Variants in BICRA observed in about 807,000 individuals in gnomAD.
BICRA encodes BRD4-interacting chromatin-remodeling complex-associated protein.
In BICRA, 31 loss-of-function variants were observed where a neutral mutation model predicts 96.9. That is an observed-to-expected ratio of 0.32 (90% CI 0.24 to 0.43). The LOEUF is 0.43. BICRA is among the 20% of genes least tolerant of loss of function. BICRA has a pLI of 1.00. For synonymous variants in BICRA, 1,350 were observed against 1,071.8 expected, an observed-to-expected ratio of 1.26 and a Z score of -5.07; for missense variants, 2,283 against 2,190.3, an observed-to-expected ratio of 1.04 and a Z score of -0.84.
chr19:47,685,580 A>G (rs1973132386), intron 7 of BICRA, among the ~76,000 whole-genome samples: 1 of 152,076 alleles, frequency 6.6e-6, no homozygotes, highest in South Asian at 2.1e-4. Flanking sequence ...CAGACTGGGA[A>G]CCGCTATCCT....
intron 9 of BICRA, 77 bp downstream of exon 9, chr19:47,695,157 G>T: frequency 3.0e-6 from 3 of 988,842 alleles, no homozygotes. Context: ...GGGAGAATGG[G>T]CTGGGGCAGG....
chr19:47,672,920 C>T (rs966263372), intron 2 of BICRA, among the ~76,000 whole-genome samples: 36 of 152,076 alleles, frequency 2.4e-4, no homozygotes, highest in Non-Finnish European at 7.4e-5. Context: ...CTCATGAGCC[C>T]CTCTCCCTTG....
At chr19:47,644,189 TTC>T (rs1972424203) in intron 1 of BICRA, among the ~76,000 whole-genome samples, 5 of 151,634 alleles carry the variant, frequency 3.3e-5, no homozygotes, top group South Asian at 2.1e-4. Context: ...AGCTAATTAT[TTC>T]TTCTTCTTTT....
At chr19:47,645,921 A>AC (rs1395991860) in intron 1 of BICRA, among the ~76,000 whole-genome samples, 1 of 151,872 alleles carries the variant, frequency 6.6e-6, no homozygotes, top group Non-Finnish European at 1.5e-5. Context: ...ACAGAGTGAG[A>AC]CCCCGCCTCT....
chr19:47,686,780 G>A lies in BICRA; in HGVS notation c.2283+4628G>A, dbSNP rs1973165735. Among the ~76,000 whole-genome samples the A allele has an allele frequency of 2.0e-5, 3 of 152,178 alleles. No individual in the cohort carries two copies. In the East Asian group the frequency reaches 5.8e-4, roughly 29 times the overall value. On this transcript the variant is annotated intron_variant, in intron 7 of 14. Coordinates refer to ENST00000594866, the MANE Select transcript of BICRA (RefSeq NM_001394372.1). ...GTAGGGGTGTGTTTTTATTTTTGGG[G>A]GTTTTTTTGCAAGCTACCATCTGGG...
chr19:47,680,333 C>T lies in BICRA; in HGVS notation c.1163C>T (p.Pro388Leu), dbSNP rs956719902. 2 of 1,535,676 alleles carry T rather than the reference C, an allele frequency of 1.3e-6. No homozygotes were observed. Among genetic ancestry groups the T allele is most frequent in the Admixed American group, 2.0e-5 (1 of 50,500 alleles). ...ATCCAGGGCGAGCCGGGGGCGCTCC[C>T]GCAGCAGCCCAAGGCCCCGCAGAAC... ...LTIQGEPGAL[P>L]QQPKAPQNLT... The change falls in exon 6 of 15, where the codon CCG becomes CTG. Residue 388 changes from proline (P) to leucine (L), a missense_variant. Physicochemically the swap from Pro to Leu is moderately conservative, Grantham distance 98. Coordinates refer to ENST00000594866, the MANE Select transcript of BICRA (RefSeq NM_001394372.1).
chr19:47,618,147 G>A (rs550972320), intron 1 of BICRA, among the ~76,000 whole-genome samples: 1 of 152,324 alleles, frequency 6.6e-6, no homozygotes, highest in South Asian at 2.1e-4. Context: ...CTGGGTGCAT[G>A]CAGTGTGGGG....
chr19:47,622,116 A>G (rs567863003), intron 1 of BICRA, among the ~76,000 whole-genome samples: 49 of 151,980 alleles, frequency 3.2e-4, no homozygotes, highest in Non-Finnish European at 5.3e-4. Flanking sequence ...ACAGGCCTGC[A>G]CCACCATGCC....
At chr19:47,658,414 A>T (rs1366331756) in intron 1 of BICRA, among the ~76,000 whole-genome samples, 6 of 152,122 alleles carry the variant, frequency 3.9e-5, no homozygotes, top group African/African-American at 1.4e-4. Context: ...TAGGCCGGGC[A>T]TGGTGGCTCA....
chr19:47,701,548 C>G lies in BICRA; in HGVS notation c.3816C>G (p.Ser1272=). 4 of 1,531,226 alleles carry G rather than the reference C, an allele frequency of 2.6e-6. No individual in the cohort carries two copies. The highest frequency in any genetic ancestry group is 3.5e-6 in the Non-Finnish European group (4 of 1,131,164). The allele number at this position is 1,531,226 out of a possible 1,614,324, so 94.9% of individuals were successfully genotyped here. The change falls in exon 15 of 15, where the codon TCC becomes TCG. Residue 1272 remains serine, a synonymous_variant. Transcript: ENST00000594866. This position sits in a 1 kb window ranked among gnomAD's most constrained non-coding sequence, Gnocchi z 5.4. ...ARASSSLSSS[S]SSSSAASSLD... Reference sequence around the variant, plus strand: ...CGTCCTCCTCCCTGTCCTCCTCTTCCTCCTCCTCCTCTGCCGCCTCCTCCT... The same window carrying G: ...CGTCCTCCTCCCTGTCCTCCTCTTCGTCCTCCTCCTCTGCCGCCTCCTCCT...
intron 1 of BICRA, among the ~76,000 whole-genome samples, chr19:47,665,594 T>A (rs947255958): frequency 1.3e-5 from 2 of 152,090 alleles, no homozygotes; most frequent in Admixed American, 1.3e-4. Context: ...CTCAGTCTCC[T>A]GAGTAGCTGG....
intron 1 of BICRA, among the ~76,000 whole-genome samples, chr19:47,643,509 G>A (rs1030325855): frequency 2.6e-5 from 4 of 152,128 alleles, no homozygotes; most frequent in Admixed American, 1.3e-4. Flanking sequence ...TTCTCACGGC[G>A]GGGCTGCTCA....
chr19:47,679,283 A>T lies in BICRA; in HGVS notation c.151-38A>T, dbSNP rs951127797. 4.3e-6 allele frequency: 6 copies of T among 1,402,378 alleles called. No homozygotes were observed. The Admixed American group carries it at 2.0e-4, about 47-fold the overall frequency. 86.9% of individuals were successfully genotyped at this position (1,402,378 alleles called of 1,614,324 possible). ...GTGGCCTAAGCGTAGCCCCTTGCTA[A>T]CCTCAGCTCTTTCCTTCCCACCTTT... On this transcript the variant is annotated intron_variant, in intron 5 of 14. Coordinates refer to ENST00000594866, the MANE Select transcript of BICRA (RefSeq NM_001394372.1).
In BICRA at chr19:47,681,163, C is replaced by G. The variant is rs1229548274; in HGVS notation, c.1993C>G (p.Gln665Glu). Residue 665 changes from glutamine to glutamate, a missense_variant, in exon 6 of 15, where the codon CAG becomes GAG. Transcript: ENST00000594866. ...CGCCCCGCCTCAGGCCACCACCCCC[C>G]AGCCCAGCCCTGGCCTGGCGTCTAG... ...AAAPPQATTPQPSPGLASSPE... is the reference protein window; with the variant it reads ...AAAPPQATTPEPSPGLASSPE... 2.1e-5 allele frequency: 32 copies of G among 1,522,556 alleles called. No homozygotes were observed. Among genetic ancestry groups the G allele is most frequent in the Non-Finnish European group, 2.8e-5 (32 of 1,135,414 alleles). The allele number at this position is 1,522,556 out of a possible 1,614,324, so 94.3% of individuals were successfully genotyped here.
At position 47,679,474 on chromosome 19, in the gene BICRA, G is replaced by A; in HGVS notation, c.304G>A (p.Asp102Asn). 6.5e-7 allele frequency: 1 copy of A among 1,534,434 alleles called. No homozygotes were observed. The highest frequency in any genetic ancestry group is 8.8e-7 in the Non-Finnish European group (1 of 1,140,238). The change falls in exon 6 of 15, where the codon GAC becomes AAC. Residue 102 changes from aspartate (D) to asparagine (N), a missense_variant. Coordinates refer to ENST00000594866, the MANE Select transcript of BICRA (RefSeq NM_001394372.1). ...CAGTGGGGGCGCTGACCAGCCCTGTGACATCCTCCAGCAGAGCCTCCAAGA... is the reference window on the plus strand; with the variant it reads ...CAGTGGGGGCGCTGACCAGCCCTGTAACATCCTCCAGCAGAGCCTCCAAGA... ...GGSGGADQPCDILQQSLQEAN... is the reference protein window; with the variant it reads ...GGSGGADQPCNILQQSLQEAN...
At chr19:47,664,572 G>A (rs975314431) in intron 1 of BICRA, among the ~76,000 whole-genome samples, 7 of 152,282 alleles carry the variant, frequency 4.6e-5, no homozygotes, top group African/African-American at 9.6e-5. Flanking sequence ...CAGTGCTTCC[G>A]TGGGGATGGG....
chr19:47,680,710 A>C lies in BICRA; in HGVS notation c.1540A>C (p.Ile514Leu). ...HTGGQLIANP[I>L]LTNQNLAGPL... ...AGGTGGACAGCTCATCGCGAACCCC[A>C]TCCTCACAAACCAGAACCTGGCGGG... The change falls in exon 6 of 15, where the codon ATC becomes CTC. Residue 514 changes from isoleucine (I) to leucine (L), a missense_variant. Transcript: ENST00000594866. The C allele has an allele frequency of 6.2e-7, 1 of 1,601,922 alleles. No homozygotes were observed. Among genetic ancestry groups the C allele is most frequent in the Non-Finnish European group, 8.5e-7 (1 of 1,175,090 alleles).
chr19:47,649,646 G>A (rs1972513892), intron 1 of BICRA, among the ~76,000 whole-genome samples: 1 of 152,166 alleles, frequency 6.6e-6, no homozygotes, highest in Non-Finnish European at 1.5e-5. Context: ...GGAGAACCAG[G>A]CACATTAAGA....
rs369020467 is a variant in BICRA at position 47,640,329 on chromosome 19, C to A, written c.-107-30114C>A. On this transcript the variant is annotated intron_variant, in intron 1 of 14. Coordinates refer to ENST00000594866, the MANE Select transcript of BICRA (RefSeq NM_001394372.1). Reference sequence around the variant, plus strand: ...GGCAGATCACTTGAGGACAGGAGTTCGAGACCGGCCTGGCCAATGTGGCAA... The same window carrying A: ...GGCAGATCACTTGAGGACAGGAGTTAGAGACCGGCCTGGCCAATGTGGCAA... 9.9e-5 allele frequency among the ~76,000 whole-genome samples: 15 copies of A among 151,978 alleles called. No individual in the cohort carries two copies. The East Asian group carries it at 2.7e-3, about 28-fold the overall frequency.
Sources: allele counts gnomAD v4.1 joint callset (sites outside exome capture counted in the v4.1 genomes callset), GRCh38; gene constraint gnomAD v4.1.1; non-coding constraint Gnocchi (gnomAD v3.1); transcripts MANE v1.5; gene names NCBI Gene and HGNC (gene_info 2026-07-23, HGNC 2026-07-21).